The following PCDHA13 variants were observed in gnomAD, a reference collection of about 807,000 sequenced individuals.
PCDHA13 encodes protocadherin alpha-13.
In PCDHA13, 54 loss-of-function variants were observed where a neutral mutation model predicts 64.8. That is an observed-to-expected ratio of 0.83 (90% CI 0.67 to 1.04). PCDHA13 has a LOEUF of 1.04. Among genes scored for constraint, PCDHA13 ranks in the 50% least tolerant of loss-of-function variants. PCDHA13 has a pLI of 0.00. For missense variants in PCDHA13, 1,248 were observed against 1,254.3 expected (o/e 0.99, Z 0.08); for synonymous variants, 587 against 564.4 (o/e 1.04, Z -0.57).
intron 1 of PCDHA13, among the ~76,000 whole-genome samples, chr5:140,936,918 T>C (rs2091208385): frequency 6.6e-6 from 1 of 152,198 alleles, no homozygotes; most frequent in Non-Finnish European, 1.5e-5. Flanking sequence ...CTGTAGAAAA[T>C]ATGGGGTATA....
chr5:140,985,889 G>A (rs549796234), intron 3 of PCDHA13, among the ~76,000 whole-genome samples: 61 of 151,864 alleles, frequency 4.0e-4, no homozygotes, highest in Non-Finnish European at 5.7e-4. Context: ...ACAGGCGCCC[G>A]CCACCACTCC....
intron 1 of PCDHA13, among the ~76,000 whole-genome samples, chr5:140,908,191 G>A (rs548195405): frequency 2.6e-5 from 4 of 152,244 alleles, no homozygotes; most frequent in African/African-American, 9.6e-5. Flanking sequence ...TTCAGGTGGT[G>A]GACATATCAT....
At position 140,883,575 on chromosome 5, in the gene PCDHA13, G is replaced by C. The variant is rs782472492; in HGVS notation, c.1307G>C (p.Trp436Ser). Reference sequence around the variant, plus strand: ...CGGGACGGGGGCTCGCCTTCGCTGTGGGCCACGGCCAGCGTGTCGGTGGGG... The same window carrying C: ...CGGGACGGGGGCTCGCCTTCGCTGTCGGCCACGGCCAGCGTGTCGGTGGGG... ...TARDGGSPSL[W>S]ATASVSVGVA... is the part of the protein sequence containing the mutation. The change falls in exon 1 of 4, where the codon TGG becomes TCG. Residue 436 changes from tryptophan (W) to serine (S), a missense_variant. Physicochemically the swap from Trp to Ser is radical, Grantham distance 177. Transcript: ENST00000289272. The C allele has an allele frequency of 5.4e-5, 87 of 1,613,954 alleles. No homozygotes were observed. The highest frequency in any genetic ancestry group is 7.4e-5 in the Non-Finnish European group (87 of 1,180,004).
chr5:140,941,211 CTTCCTTTCTTTCTTT>C (rs1563185551), intron 1 of PCDHA13, among the ~76,000 whole-genome samples: 1,583 of 129,706 alleles, frequency 0.012, 22 homozygotes, highest in African/African-American at 0.029. Flanking sequence ...TCCTTTCTTT[CTTCCTTTCTTTCTTT>C]CTTTCTTTCT....
chr5:140,978,810 G>C, intron 1 of PCDHA13, 139 bp from the exon 2 acceptor site: 2 of 1,500,034 alleles, frequency 1.3e-6, no homozygotes, highest in Non-Finnish European at 1.8e-6. Flanking sequence ...TATCATCATA[G>C]AGTTACACAT....
At chr5:140,963,220 G>A (rs2095749091) in intron 1 of PCDHA13, among the ~76,000 whole-genome samples, 2 of 152,122 alleles carry the variant, frequency 1.3e-5, no homozygotes, top group East Asian at 1.9e-4. Flanking sequence ...CGTGTTTAGA[G>A]TAGACACTGT....
At chr5:140,889,387 C>G (rs1174974313) in intron 1 of PCDHA13, among the ~76,000 whole-genome samples, 1 of 151,966 alleles carries the variant, frequency 6.6e-6, no homozygotes, top group East Asian at 1.9e-4. Context: ...AAGGACCATT[C>G]AGAGTTTAAT....
At chr5:140,998,533 T>C (rs1362807124) in intron 3 of PCDHA13, among the ~76,000 whole-genome samples, 1 of 152,020 alleles carries the variant, frequency 6.6e-6, no homozygotes, top group Non-Finnish European at 1.5e-5. Flanking sequence ...TTTATATCCC[T>C]AATTCCTAAT....
chr5:140,980,057 C>T (rs559895684), intron 2 of PCDHA13, among the ~76,000 whole-genome samples: 2 of 152,272 alleles, frequency 1.3e-5, no homozygotes, highest in East Asian at 3.9e-4. Context: ...GATTCAGAAG[C>T]AATCAGTGAA....
Position 140,928,590 on chromosome 5 carries a change from A to G in PCDHA13, c.2394+43928A>G, listed in dbSNP as rs78699363. The G allele has an allele frequency of 6.8e-4, 1,101 of 1,614,224 alleles. 1 individual carries two copies. Among genetic ancestry groups the G allele is most frequent in the Non-Finnish European group, 8.8e-4 (1,041 of 1,180,028 alleles). On this transcript the variant is annotated intron_variant, in intron 1 of 3. Coordinates refer to ENST00000289272, the MANE Select transcript of PCDHA13 (RefSeq NM_018904.3). ...CCTTGCCCAGAAATGGTTCTGTCCC[A>G]GTGGAAATTGTGCCCCGCTCTGCCA...
chr5:140,979,592 T>C (rs1554240865), intron 2 of PCDHA13, among the ~76,000 whole-genome samples: 1 of 152,248 alleles, frequency 6.6e-6, no homozygotes, highest in African/African-American at 2.4e-5. Flanking sequence ...CTAGCTTACT[T>C]TAAATTAACC....
intron 3 of PCDHA13, among the ~76,000 whole-genome samples, chr5:140,991,432 C>T (rs2153896288): frequency 6.6e-6 from 1 of 152,310 alleles, no homozygotes; most frequent in Non-Finnish European, 1.5e-5. Flanking sequence ...TAACCATAAA[C>T]TTCATGGCTT....
chr5:140,882,565 C>T lies in PCDHA13; in HGVS notation c.297C>T (p.Ser99=), dbSNP rs782122682. The T allele has an allele frequency of 3.1e-6, 5 of 1,614,118 alleles. No homozygotes were observed. The highest frequency in any genetic ancestry group is 4.2e-6 in the Non-Finnish European group (5 of 1,180,054). Residue 99 remains serine (S), a synonymous_variant, in exon 1 of 4, where the codon AGC becomes AGT. Coordinates refer to ENST00000289272, the MANE Select transcript of PCDHA13 (RefSeq NM_018904.3). Reference sequence around the variant, plus strand: ...ACCGCGAGGAGCTGTGTGGGCGGAGCGCGGAGTGCAGCATCCACCTGGAGG... The same window carrying T: ...ACCGCGAGGAGCTGTGTGGGCGGAGTGCGGAGTGCAGCATCCACCTGGAGG... ...RIDREELCGR[S]AECSIHLEVI...
rs1262601662 is a variant in PCDHA13, at chr5:141,011,550, A to C, written c.*1613A>C. On this transcript the variant is annotated 3_prime_UTR_variant, in exon 4 of 4. Coordinates refer to ENST00000289272, the MANE Select transcript of PCDHA13 (RefSeq NM_018904.3). ...CATTGTTAATCAGCTTTTGTGTATG[A>C]AAGACACAGTAAAATTTCTTTCTTA... 6 of 153,770 alleles carry C rather than the reference A, an allele frequency of 3.9e-5. No homozygotes were observed. The highest frequency in any genetic ancestry group is 1.4e-4 in the African/African-American group (6 of 41,462). The allele number at this position is 153,770 out of a possible 1,614,324, so 9.5% of individuals were successfully genotyped here. A position where few individuals can be genotyped will look rare whatever the true frequency, so the allele number is the denominator to read the frequency against.
intron 1 of PCDHA13, among the ~76,000 whole-genome samples, chr5:140,962,118 C>T (rs561645739): frequency 1.3e-5 from 2 of 152,210 alleles, no homozygotes; most frequent in East Asian, 1.9e-4. Context: ...ATCTCCTAAC[C>T]TTGGCCTCGG....
At chr5:140,967,869 C>A in intron 1 of PCDHA13, 1 of 1,614,160 alleles carries the variant, frequency 6.2e-7, no homozygotes, top group South Asian at 1.1e-5. Flanking sequence ...GTGGTGCTCA[C>A]GGACCTGTAT....
At chr5:140,957,641 T>G (rs1554223056) in intron 1 of PCDHA13, among the ~76,000 whole-genome samples, 1 of 152,110 alleles carries the variant, frequency 6.6e-6, no homozygotes, top group African/African-American at 2.4e-5. Flanking sequence ...AGAAATGCAC[T>G]TAAATATTCA....
rs534595431 is a variant in PCDHA13 at position 140,908,278 on chromosome 5, TG to T, written c.2394+23617del. On this transcript the variant is annotated intron_variant, in intron 1 of 3. Coordinates refer to ENST00000289272, the MANE Select transcript of PCDHA13 (RefSeq NM_018904.3). Reference sequence around the variant, plus strand: ...CATAGGGAACTCCCCATGAGGCCATTGTTGCAAGCTGGGGAAGAGAAGGAAG... The same window carrying T: ...CATAGGGAACTCCCCATGAGGCCATTTTGCAAGCTGGGGAAGAGAAGGAAG... Among the ~76,000 whole-genome samples the T allele has an allele frequency of 1.3e-3, 196 of 152,290 alleles. 1 individual carries two copies. Among genetic ancestry groups the T allele is most frequent in the African/African-American group, 4.6e-3 (191 of 41,570 alleles).
At chr5:140,928,701 G>A (rs782369096) in intron 1 of PCDHA13, 53 of 1,614,014 alleles carry the variant, frequency 3.3e-5, no homozygotes, top group Admixed American at 2.0e-4. Context: ...TCTCCCGGGC[G>A]TCTGACTCTA....
Sources: gnomAD v4.1 joint callset for allele counts (sites outside exome capture counted in the v4.1 genomes callset) on GRCh38, gnomAD v4.1.1 for gene constraint, MANE v1.5 for transcripts, NCBI Gene and HGNC (gene_info 2026-07-23, HGNC 2026-07-21) for gene names.